ZFAND1: variants seen among roughly 807,000 people sequenced by gnomAD.
ZFAND1 encodes the protein AN1-type zinc finger protein 1.
In ZFAND1, 40 loss-of-function variants were observed where a neutral mutation model predicts 38.5. The ratio of observed to expected loss-of-function variants is 1.04; its 90% CI spans 0.81 to 1.35. The LOEUF (loss-of-function observed/expected upper bound fraction) is 1.35. Ranked by LOEUF, ZFAND1 falls within the 40% of genes most tolerant of loss-of-function variation. The pLI is 0.00. For synonymous variants in ZFAND1, 117 were observed against 103.6 expected (o/e 1.13, Z -0.78); for missense variants, 346 against 316.3 (o/e 1.09, Z -0.71).
At chr8:81,709,515 G>T (rs887656253) in intron 6 of ZFAND1, among the ~76,000 whole-genome samples, 1 of 151,746 alleles carries the variant, frequency 6.6e-6, no homozygotes, top group Non-Finnish European at 1.5e-5. Context: ...TTATGCCTTT[G>T]CACACATATA....
intron 1 of ZFAND1, among the ~76,000 whole-genome samples, chr8:81,720,396 A>C (rs1808437283): frequency 6.6e-6 from 1 of 152,172 alleles, no homozygotes; most frequent in South Asian, 2.1e-4. Flanking sequence ...TCCGTGTAAA[A>C]GACTGTAGTT....
chr8:81,708,739 T>C, intron 6 of ZFAND1: 1 of 1,147,194 alleles, frequency 8.7e-7, no homozygotes, highest in South Asian at 1.8e-5. Context: ...CTCTCATGTT[T>C]GGCCACAAGA....
chr8:81,701,575 A>G lies in ZFAND1; in HGVS notation c.*1120T>C, dbSNP rs1807814053. 2 of 152,198 alleles carry G rather than the reference A, an allele frequency of 1.3e-5. No individual in the cohort carries two copies. Among genetic ancestry groups the G allele is most frequent in the Non-Finnish European group, 2.9e-5 (2 of 68,024 alleles). 9.4% of individuals were successfully genotyped at this position (152,198 alleles called of 1,614,324 possible). On this transcript the variant is annotated 3_prime_UTR_variant, in exon 8 of 8. Coordinates refer to ENST00000220669, the MANE Select transcript of ZFAND1 (RefSeq NM_024699.3). ...TATACATATCATCATTGTATTAATC[A>G]TGGCAATTAGGACAAATCCCTACAT...
rs538337485 is a variant in ZFAND1, at chr8:81,716,820, G to A, written c.138+429C>T. On this transcript the variant is annotated intron_variant, in intron 3 of 7. Transcript: ENST00000220669. ...AAATTAGTCGGGCGTGGTGGCACGT[G>A]CCTATAATCCCAGCTATTCGGGAGG... Among the ~76,000 whole-genome samples, 11 of 152,192 alleles carry A rather than the reference G, an allele frequency of 7.2e-5. No individual in the cohort carries two copies. The East Asian group carries it at 1.5e-3, about 21-fold the overall frequency.
intron 6 of ZFAND1, among the ~76,000 whole-genome samples, chr8:81,704,116 A>C (rs1354476412): frequency 1.3e-5 from 2 of 152,164 alleles, no homozygotes; most frequent in African/African-American, 4.8e-5. Flanking sequence ...ACAAAAAAAA[A>C]AAAAGAGATA....
intron 1 of ZFAND1, 21 bp from the exon 2 acceptor site, chr8:81,718,245 A>G: frequency 1.3e-6 from 2 of 1,544,816 alleles, no homozygotes; most frequent in Non-Finnish European, 1.8e-6. Context: ...GAGAAAATGT[A>G]TATACTGGTC....
rs1321370556 is a variant in ZFAND1, at chr8:81,702,712, C to T, written c.790G>A (p.Glu264Lys). 1.5e-5 allele frequency: 23 copies of T among 1,543,236 alleles called. No individual in the cohort carries two copies. Among genetic ancestry groups the T allele is most frequent in the Non-Finnish European group, 1.7e-5 (20 of 1,148,202 alleles). Residue 264 changes from glutamate to lysine, a missense_variant, in exon 8 of 8, where the codon GAA (glutamate) becomes AAA (lysine). Transcript: ENST00000220669. ...TTGAATGACTATTCCAAGTAAGATT[C>T]AACATTTTTACAGAATTGTTCTTCA... Reference protein sequence around the residue: ...NDEEQFCKNVESYLE With the variant: ...NDEEQFCKNVKSYLE
chr8:81,713,261 TACA>T (rs1808196738), intron 6 of ZFAND1, among the ~76,000 whole-genome samples: 4 of 29,322 alleles, frequency 1.4e-4, no homozygotes, highest in Admixed American at 4.5e-4. Flanking sequence ...TAGCTGGGAC[TACA>T]GGCGCCCACC....
In ZFAND1 at chr8:81,701,811, T is replaced by C. The variant is rs1034760552; in HGVS notation, c.*884A>G. ...GAACAGAAAACAAAAAAAGGACAAA[T>C]AGAAATACTTTCCATTCTGTCTATA... On this transcript the variant is annotated 3_prime_UTR_variant, in exon 8 of 8. Coordinates refer to ENST00000220669, the MANE Select transcript of ZFAND1 (RefSeq NM_024699.3). 3.3e-5 allele frequency: 5 copies of C among 152,116 alleles called. No homozygotes were observed. In the East Asian group the frequency reaches 9.6e-4, roughly 29 times the overall value. The allele number at this position is 152,116 out of a possible 1,614,324, so 9.4% of individuals were successfully genotyped here.
At chr8:81,720,854 C>T in intron 1 of ZFAND1, 1 of 368,166 alleles carries the variant, frequency 2.7e-6, no homozygotes, top group Non-Finnish European at 5.0e-6. Flanking sequence ...CTGCAAGGTA[C>T]GTTTTCAGGA....
chr8:81,702,664 C>A lies in ZFAND1; in HGVS notation c.*31G>T. 7.2e-7 allele frequency: 1 copy of A among 1,386,946 alleles called. No homozygotes were observed. Among genetic ancestry groups the A allele is most frequent in the Non-Finnish European group, 9.4e-7 (1 of 1,059,888 alleles). The allele number at this position is 1,386,946 out of a possible 1,614,324, so 85.9% of individuals were successfully genotyped here. A position where few individuals can be genotyped will look rare whatever the true frequency, so the allele number is the denominator to read the frequency against. On this transcript the variant is annotated 3_prime_UTR_variant, in exon 8 of 8. Transcript: ENST00000220669. ...GACTTAAACATGTAATAGAATTTTC[C>A]CTGTGATTTCTGACTTGAATCTTTG...
At chr8:81,713,750 G>GA in intron 6 of ZFAND1, among the ~76,000 whole-genome samples, 168 bp downstream of exon 6, 1 of 152,176 alleles carries the variant, frequency 6.6e-6, no homozygotes, top group South Asian at 2.1e-4. Context: ...TCTATAAAGT[G>GA]AAAAAACTCA....
intron 6 of ZFAND1, 138 bp downstream of exon 6, chr8:81,713,780 T>C: frequency 1.3e-6 from 1 of 786,928 alleles, no homozygotes; most frequent in South Asian, 1.9e-5. Flanking sequence ...GTATTATTTA[T>C]GCAGACATAT....
In ZFAND1 at chr8:81,715,051, C is replaced by G; in HGVS notation, c.202G>C (p.Asp68His). Reference sequence around the variant, plus strand: ...GCCACAAGTTCTCTCTCAGCACAGTCTTTGAAAGAGCATGGGTAAGATGTA... The same window carrying G: ...GCCACAAGTTCTCTCTCAGCACAGTGTTTGAAAGAGCATGGGTAAGATGTA... ...QHTSYPCSFK[D>H]CAERELVAVI... is the part of the protein sequence containing the mutation. The change falls in exon 4 of 8, where the codon GAC (aspartate) becomes CAC (histidine). Residue 68 changes from aspartate to histidine, a missense_variant. Transcript: ENST00000220669. 1 of 1,614,054 alleles carries G rather than the reference C, an allele frequency of 6.2e-7. No homozygotes were observed. Among genetic ancestry groups the G allele is most frequent in the Non-Finnish European group, 8.5e-7 (1 of 1,179,964 alleles).
Position 81,718,166 on chromosome 8 carries a change from TAAAAACTTAACTTACCAA to T in ZFAND1, c.96_98+15del. ...ACTAAAATTACTCCCAAATCCTGCA[TAAAAACTTAACTTACCAA>T]AATATTCCTGAACAATCATCACACA... On this transcript the variant is annotated splice_donor_variant and splice_donor_5th_base_variant and coding_sequence_variant and intron_variant, in exon 2 of 8. Coordinates refer to ENST00000220669, the MANE Select transcript of ZFAND1 (RefSeq NM_024699.3). LOFTEE classifies it high-confidence loss of function. The T allele has an allele frequency of 6.4e-7, 1 of 1,572,284 alleles. No homozygotes were observed. Among genetic ancestry groups the T allele is most frequent in the South Asian group, 1.2e-5 (1 of 84,128 alleles).
At chr8:81,704,544 A>AG (rs1807916857) in intron 6 of ZFAND1, among the ~76,000 whole-genome samples, 1 of 151,452 alleles carries the variant, frequency 6.6e-6, no homozygotes, top group African/African-American at 2.4e-5. Flanking sequence ...ATTTCAAAAA[A>AG]AAAAAAAAAA....
At chr8:81,720,560 A>C (rs980084341) in intron 1 of ZFAND1, among the ~76,000 whole-genome samples, 1 of 152,200 alleles carries the variant, frequency 6.6e-6, no homozygotes, top group African/African-American at 2.4e-5. Flanking sequence ...GAATTTGATA[A>C]AAGCTAAGGA....
Position 81,717,275 on chromosome 8 carries a change from TTC to T in ZFAND1, c.110_111del (p.Arg37LysfsTer9). The T allele has an allele frequency of 6.5e-7, 1 of 1,539,036 alleles. No homozygotes were observed. ...DCSGIFCLEH[R>X]SRESHGCPEV... ...TCAGGACAACCATGAGACTCCCTGCTTCTGTGTTCAAGGCTTAAATAATAATA... is the reference window on the plus strand; with the variant it reads ...TCAGGACAACCATGAGACTCCCTGCTTGTGTTCAAGGCTTAAATAATAATA... On this transcript the variant is annotated frameshift_variant, in exon 3 of 8. Transcript: ENST00000220669. LOFTEE classifies it high-confidence loss of function.
At chr8:81,709,089 T>G (rs1259580421) in intron 6 of ZFAND1, among the ~76,000 whole-genome samples, 2 of 152,176 alleles carry the variant, frequency 1.3e-5, no homozygotes, top group East Asian at 3.8e-4. Context: ...TTTAGCACAG[T>G]AGCCAAAACT....
Sources: allele counts gnomAD v4.1 joint callset (sites outside exome capture counted in the v4.1 genomes callset), GRCh38; gene constraint gnomAD v4.1.1; transcripts MANE v1.5; gene names NCBI Gene and HGNC (gene_info 2026-07-23, HGNC 2026-07-21).